GET4: variants seen among roughly 807,000 people sequenced by gnomAD.
The protein encoded by GET4 is guided entry of tail-anchored proteins factor 4.
In GET4, 20 loss-of-function variants were observed where a neutral mutation model predicts 40.0. The observed-to-expected ratio is 0.50, with a 90% CI of 0.35 to 0.73. The LOEUF (loss-of-function observed/expected upper bound fraction) is 0.73, where lower values mean the gene tolerates loss of function less well. Ranked by LOEUF, GET4 falls within the 30% of genes least tolerant of loss-of-function variation. The pLI, the probability that GET4 is intolerant of heterozygous loss-of-function variation, is 0.01. For missense variants in GET4, 557 were observed against 454.0 expected (o/e 1.23, Z -2.06); for synonymous variants, 280 against 194.6 (o/e 1.44, Z -3.65).
At chr7:894,318 G>A (rs908209828) in intron 8 of GET4, among the ~76,000 whole-genome samples, 8 of 152,280 alleles carry the variant, frequency 5.3e-5, no homozygotes, top group East Asian at 1.9e-4. Context: ...GCTGCCAGCC[G>A]TCGTGCTGGG....
intron 4 of GET4, among the ~76,000 whole-genome samples, chr7:890,698 A>C (rs901248468): frequency 6.6e-6 from 1 of 152,092 alleles, no homozygotes; most frequent in African/African-American, 2.4e-5. Flanking sequence ...TGGAGAATCA[A>C]GATGTTGCAT....
chr7:890,404 GGGTGTTAGGA>G lies in GET4; in HGVS notation c.467-523_467-514del, dbSNP rs1562896636. Among the ~76,000 whole-genome samples, 12 of 99,752 alleles carry G rather than the reference GGGTGTTAGGA, an allele frequency of 1.2e-4. 1 individual carries two copies. The highest frequency in any genetic ancestry group is 3.8e-4 in the African/African-American group (10 of 26,612). 65.4% of individuals were successfully genotyped at this position (99,752 alleles called of 152,430 possible). A position where few individuals can be genotyped will look rare whatever the true frequency, so the allele number is the denominator to read the frequency against. Reference sequence around the variant, plus strand: ...GTCTGGGAGTGGAGGGAGTGTGAGCGGGTGTTAGGACGGGCCTGGGAGTGGAGGGAGTGTG... The same window carrying G: ...GTCTGGGAGTGGAGGGAGTGTGAGCGCGGGCCTGGGAGTGGAGGGAGTGTG... On this transcript the variant is annotated intron_variant, in intron 4 of 8. Transcript: ENST00000265857.
chr7:886,480 G>C (rs1844190829), intron 2 of GET4, 89 bp from the exon 3 acceptor site: 3 of 942,044 alleles, frequency 3.2e-6, no homozygotes, highest in Admixed American at 3.5e-5. Flanking sequence ...GCCGCACTCT[G>C]GCTTCTGCTG....
chr7:885,753 G>C (rs1038486329), intron 1 of GET4: 8 of 383,816 alleles, frequency 2.1e-5, no homozygotes, highest in Non-Finnish European at 3.8e-5. Context: ...CCTGCCCAGT[G>C]GCCTTTCTGG....
chr7:884,237 C>G, intron 1 of GET4: 1 of 1,304,072 alleles, frequency 7.7e-7, no homozygotes, highest in Non-Finnish European at 1.0e-6. Context: ...CTGGCGGCAT[C>G]GTGAGGCCAG....
chr7:893,698 T>C (rs774818590), intron 6 of GET4, 42 bp from the exon 7 acceptor site: 2 of 1,345,784 alleles, frequency 1.5e-6, no homozygotes, highest in Non-Finnish European at 2.1e-6. Context: ...AGTGTGGTCC[T>C]GTTCTGCTCA....
intron 6 of GET4, 140 bp from the exon 7 acceptor site, chr7:893,600 G>GGA: frequency 2.0e-6 from 1 of 500,502 alleles, no homozygotes; most frequent in Non-Finnish European, 3.4e-6. Flanking sequence ...TTGGGCATGG[G>GGA]CGCGGTGTGT....
chr7:877,590 C>A (rs1843988443), intron 1 of GET4, among the ~76,000 whole-genome samples: 1 of 133,374 alleles, frequency 7.5e-6, no homozygotes, highest in Non-Finnish European at 1.6e-5. Context: ...CCTCTCCTAG[C>A]CTCCACCTCC....
Position 892,306 on chromosome 7 carries a change from G to A in GET4, c.634G>A (p.Ala212Thr). ...QFLCLKNKSS[A>T]SVVFTTYTQK... is the part of the protein sequence containing the mutation. ...TCTCTGTTTAAAAAACAAAAGTAGC[G>A]CATCGGTGGTCTTCACGACGTACAC... Residue 212 changes from alanine to threonine, a missense_variant, in exon 6 of 9, where the codon GCA becomes ACA. By Grantham distance (58) the Ala-to-Thr change is moderately conservative (BLOSUM62 0). Transcript: ENST00000265857. 5 of 1,590,082 alleles carry A rather than the reference G, an allele frequency of 3.1e-6. No homozygotes were observed. Among genetic ancestry groups the A allele is most frequent in the South Asian group, 1.1e-5 (1 of 90,586 alleles).
Position 890,914 on chromosome 7 carries a change from T to G in GET4, c.467-14T>G, listed in dbSNP as rs746136834. Reference sequence around the variant, plus strand: ...CGTGAAATGTATTTACATTTTTCTGTCTTTCCTTTGCAGAACAAAACTATT... The same window carrying G: ...CGTGAAATGTATTTACATTTTTCTGGCTTTCCTTTGCAGAACAAAACTATT... On this transcript the variant is annotated splice_polypyrimidine_tract_variant and intron_variant, in intron 4 of 8. Transcript: ENST00000265857. 2 of 1,583,148 alleles carry G rather than the reference T, an allele frequency of 1.3e-6. No homozygotes were observed.
chr7:892,479 G>T (rs1176502310), intron 6 of GET4, 61 bp downstream of exon 6: 6 of 1,540,070 alleles, frequency 3.9e-6, no homozygotes, highest in Non-Finnish European at 5.3e-6. Context: ...GTGTAGACGT[G>T]GTGTGGATAG....
In GET4 at chr7:876,563, T is replaced by G. The variant is rs1381499593; in HGVS notation, c.-83T>G. On this transcript the variant is annotated 5_prime_UTR_variant, in exon 1 of 9. Coordinates refer to ENST00000265857, the MANE Select transcript of GET4 (RefSeq NM_015949.3). Reference sequence around the variant, plus strand: ...CCTCGCGGGCCACCGTAGAAGGGCGTCGGGCGGCCGTCGGGACGGAAGCCG... The same window carrying G: ...CCTCGCGGGCCACCGTAGAAGGGCGGCGGGCGGCCGTCGGGACGGAAGCCG... 1 of 1,112,896 alleles carries G rather than the reference T, an allele frequency of 9.0e-7. No homozygotes were observed. The highest frequency in any genetic ancestry group is 1.1e-6 in the Non-Finnish European group (1 of 906,704). The allele number at this position is 1,112,896 out of a possible 1,614,324, so 68.9% of individuals were successfully genotyped here.
At chr7:892,595 T>G in intron 6 of GET4, 177 bp downstream of exon 6, 1 of 593,936 alleles carries the variant, frequency 1.7e-6, no homozygotes, top group Non-Finnish European at 2.9e-6. Context: ...TGTGTGCAGG[T>G]CTGTTGGGTG....
chr7:879,498 G>T (rs1844040892), intron 1 of GET4, among the ~76,000 whole-genome samples: 1 of 152,218 alleles, frequency 6.6e-6, no homozygotes, highest in African/African-American at 2.4e-5. Flanking sequence ...TGTTTGTACG[G>T]ACCTACTGAG....
At chr7:878,088 C>A (rs1455194790) in intron 1 of GET4, 1 of 328,454 alleles carries the variant, frequency 3.0e-6, no homozygotes, top group African/African-American at 2.2e-5. Context: ...TTGACGCCGC[C>A]CGGCCTGCCG....
intron 1 of GET4, chr7:884,082 G>A: frequency 8.4e-7 from 1 of 1,192,312 alleles, no homozygotes; most frequent in Non-Finnish European, 1.1e-6. Context: ...GCCTTCCAGG[G>A]AGTCCTTTTT....
chr7:876,904 T>A, intron 1 of GET4, 104 bp downstream of exon 1: 2 of 529,828 alleles, frequency 3.8e-6, no homozygotes, highest in Non-Finnish European at 5.0e-6. Context: ...CCGCTGCCCG[T>A]CGCGGGGGCG....
intron 1 of GET4, among the ~76,000 whole-genome samples, chr7:878,545 G>A (rs1454054346): frequency 6.8e-6 from 1 of 147,864 alleles, no homozygotes; most frequent in African/African-American, 2.5e-5. Context: ...TTTGGGCCTG[G>A]TTTTCAGGGG....
In GET4 at chr7:890,277, CGTGA is replaced by C. The variant is rs1562896520; in HGVS notation, c.467-649_467-646del. Among the ~76,000 whole-genome samples, 12 of 14,152 alleles carry C rather than the reference CGTGA, an allele frequency of 8.5e-4. 5 individuals are homozygous for C. The highest frequency in any genetic ancestry group is 0.038 in the Middle Eastern group (1 of 26). 9.3% of individuals were successfully genotyped at this position (14,152 alleles called of 152,430 possible). A position where few individuals can be genotyped will look rare whatever the true frequency, so the allele number is the denominator to read the frequency against. ...GGACGGGGTCTGGGAGTGGAGGGAGCGTGAGCGGGTGTCAGGACGGGGTCTGGGA... is the reference window on the plus strand; with the variant it reads ...GGACGGGGTCTGGGAGTGGAGGGAGCGCGGGTGTCAGGACGGGGTCTGGGA... On this transcript the variant is annotated intron_variant, in intron 4 of 8. Transcript: ENST00000265857.
Sources: gnomAD v4.1 joint callset for allele counts (sites outside exome capture counted in the v4.1 genomes callset) on GRCh38, gnomAD v4.1.1 for gene constraint, MANE v1.5 for transcripts, NCBI Gene and HGNC (gene_info 2026-07-23, HGNC 2026-07-21) for gene names.